PLCL2: variants seen among roughly 807,000 people sequenced by gnomAD.
The protein encoded by PLCL2 is inactive phospholipase C-like protein 2.
Under a neutral mutation model 79.6 loss-of-function variants are expected in PLCL2, and 4 were observed. The ratio of observed to expected loss-of-function variants is 0.05; its 90% confidence interval spans 0.02 to 0.11. The LOEUF is 0.11. Among genes scored for constraint, PLCL2 ranks in the 10% least tolerant of loss-of-function variants. PLCL2 has a pLI of 1.00. For synonymous variants in PLCL2, 484 were observed against 457.7 expected (o/e 1.06, Z -0.73); for missense variants, 895 against 1,291.0 (o/e 0.69, Z 4.70).
At chr3:16,922,128 T>A (rs951508061) in intron 1 of PLCL2, among the ~76,000 whole-genome samples, 2 of 152,220 alleles carry the variant, frequency 1.3e-5, no homozygotes, top group Admixed American at 1.3e-4. Context: ...GAATCTTTAC[T>A]GCTAGAAGAA....
chr3:16,969,461 A>G (rs1384941847), intron 1 of PLCL2, among the ~76,000 whole-genome samples: 5 of 152,030 alleles, frequency 3.3e-5, no homozygotes, highest in Non-Finnish European at 7.4e-5. Flanking sequence ...TTTCTGGTTC[A>G]ATCTTGGGAG....
chr3:16,960,051 G>A (rs1194058659), intron 1 of PLCL2, among the ~76,000 whole-genome samples: 1 of 152,122 alleles, frequency 6.6e-6, no homozygotes. Context: ...CTTGCAGTGA[G>A]CCGAGATTGC....
At chr3:16,935,993 C>T (rs1257349088) in intron 1 of PLCL2, among the ~76,000 whole-genome samples, 2 of 152,144 alleles carry the variant, frequency 1.3e-5, no homozygotes, top group Non-Finnish European at 1.5e-5. Context: ...TTTTCAGGTC[C>T]GTGGTGGCTC....
intron 2 of PLCL2, among the ~76,000 whole-genome samples, chr3:17,013,012 T>C: frequency 6.6e-6 from 1 of 152,238 alleles, no homozygotes; most frequent in East Asian, 1.9e-4. Flanking sequence ...CAACGTTTTT[T>C]CCCTATCAAC....
intron 3 of PLCL2, among the ~76,000 whole-genome samples, chr3:17,037,326 G>A (rs547408122): frequency 6.6e-6 from 1 of 152,296 alleles, no homozygotes; most frequent in East Asian, 1.9e-4. Flanking sequence ...GGGGCATTCA[G>A]TGGTTAGGGC....
chr3:16,995,477 A>C (rs1338315399), intron 1 of PLCL2, among the ~76,000 whole-genome samples: 1 of 152,212 alleles, frequency 6.6e-6, no homozygotes. Flanking sequence ...CAACAGAGGC[A>C]GGCTAGCTTT....
intron 1 of PLCL2, among the ~76,000 whole-genome samples, chr3:16,905,769 T>C (rs1002075305): frequency 6.6e-6 from 1 of 152,216 alleles, no homozygotes; most frequent in Non-Finnish European, 1.5e-5. Flanking sequence ...GCTCACTGTT[T>C]AGACCTCCTC....
intron 1 of PLCL2, among the ~76,000 whole-genome samples, chr3:16,952,556 TA>T (rs2063664670): frequency 1.3e-5 from 2 of 151,948 alleles, no homozygotes; most frequent in Non-Finnish European, 2.9e-5. Context: ...AATCATATTT[TA>T]AAAAGAATAT....
chr3:16,909,148 C>T (rs1696816914), intron 1 of PLCL2, among the ~76,000 whole-genome samples: 1 of 152,124 alleles, frequency 6.6e-6, no homozygotes, highest in Non-Finnish European at 1.5e-5. Context: ...TTCAAGAGAG[C>T]AGTGTTTTAA....
chr3:17,053,340 C>T (rs2064861009), intron 4 of PLCL2, among the ~76,000 whole-genome samples: 1 of 152,066 alleles, frequency 6.6e-6, no homozygotes. Context: ...TTTTAAACAA[C>T]CAGATCTCAT....
chr3:17,058,645 A>G (rs1208033593), intron 4 of PLCL2, among the ~76,000 whole-genome samples: 1 of 152,138 alleles, frequency 6.6e-6, no homozygotes. Flanking sequence ...TTTGGGAGCT[A>G]TCATTGCAAA....
intron 5 of PLCL2, among the ~76,000 whole-genome samples, chr3:17,075,545 T>TAAAAAAAAA (rs61190858): frequency 7.7e-6 from 1 of 129,764 alleles, no homozygotes; most frequent in African/African-American, 2.9e-5. Flanking sequence ...CTTCAATGTG[T>TAAAAAAAAA]AAAAAAAAAA....
chr3:17,047,019 T>C (rs577765820), intron 4 of PLCL2, among the ~76,000 whole-genome samples: 51 of 152,198 alleles, frequency 3.4e-4, no homozygotes, highest in African/African-American at 1.2e-3. Context: ...GTAAACAATA[T>C]AAGCATGTTA....
intron 1 of PLCL2, among the ~76,000 whole-genome samples, chr3:16,930,544 A>C (rs939559126): frequency 6.6e-6 from 1 of 152,186 alleles, no homozygotes; most frequent in Non-Finnish European, 1.5e-5. Context: ...TGTTTTCTTA[A>C]ACTCCTAGGG....
intron 2 of PLCL2, among the ~76,000 whole-genome samples, chr3:17,013,658 C>T (rs979013806): frequency 2.7e-4 from 41 of 152,160 alleles, no homozygotes; most frequent in African/African-American, 9.4e-4. Context: ...TGTTCATTCC[C>T]AAGAACCTGC....
intron 1 of PLCL2, among the ~76,000 whole-genome samples, chr3:16,928,775 G>A (rs1697317668): frequency 6.6e-6 from 1 of 152,208 alleles, no homozygotes; most frequent in East Asian, 1.9e-4. Flanking sequence ...GAAGTATGGA[G>A]TACCATGCTT....
intron 3 of PLCL2, among the ~76,000 whole-genome samples, chr3:17,027,615 C>T (rs1221701612): frequency 6.6e-6 from 1 of 152,212 alleles, no homozygotes; most frequent in Non-Finnish European, 1.5e-5. Flanking sequence ...TAAATTATGA[C>T]TTTCTCTTTC....
chr3:16,996,457 C>T (rs140609065), intron 1 of PLCL2, among the ~76,000 whole-genome samples: 23 of 152,134 alleles, frequency 1.5e-4, no homozygotes, highest in African/African-American at 5.1e-4. Flanking sequence ...TGATAATACT[C>T]GTGTTATAGG....
At chr3:17,017,864 CT>C (rs1213379627) in intron 3 of PLCL2, among the ~76,000 whole-genome samples, 3 of 152,278 alleles carry the variant, frequency 2.0e-5, no homozygotes, top group South Asian at 4.1e-4. Context: ...GTGCTAGTTT[CT>C]TTGTGAAAAC....
Sources: allele counts gnomAD v4.1 joint callset (sites outside exome capture counted in the v4.1 genomes callset), GRCh38; gene constraint gnomAD v4.1.1; transcripts MANE v1.5; gene names NCBI Gene and HGNC (gene_info 2026-07-23, HGNC 2026-07-21).